The following RAB3C variants were observed in gnomAD, a reference collection of about 807,000 sequenced individuals.
RAB3C encodes the protein RAB3C, member RAS oncogene family.
Under a neutral mutation model 26.4 loss-of-function variants are expected in RAB3C, and 17 were observed. The observed-to-expected ratio is 0.64, with a 90% CI of 0.44 to 0.97. RAB3C has a LOEUF of 0.97. Among genes scored for constraint, RAB3C ranks in the 50% least tolerant of loss-of-function variants. The pLI is 0.00. For missense variants in RAB3C, 242 were observed against 281.9 expected, an observed-to-expected ratio of 0.86 and a Z score of 1.01; for synonymous variants, 91 against 95.9, an observed-to-expected ratio of 0.95 and a Z score of 0.30.
chr5:58,748,730 G>A lies in RAB3C; in HGVS notation c.371+22610G>A, dbSNP rs139374824. On this transcript the variant is annotated intron_variant, in intron 3 of 4. Transcript: ENST00000282878. Reference sequence around the variant, plus strand: ...ACAAAGTATAGGAAATCATTATGAGGTAGAGATGTCTAACTGTCCATCAAG... The same window carrying A: ...ACAAAGTATAGGAAATCATTATGAGATAGAGATGTCTAACTGTCCATCAAG... Among the ~76,000 whole-genome samples the A allele has an allele frequency of 6.6e-4, 100 of 152,236 alleles. 2 individuals carry two copies. The highest frequency in any genetic ancestry group is 4.9e-4 in the Non-Finnish European group (33 of 67,994).
chr5:58,607,792 A>T (rs1479457975), intron 1 of RAB3C, among the ~76,000 whole-genome samples: 2 of 152,194 alleles, frequency 1.3e-5, no homozygotes, highest in Non-Finnish European at 2.9e-5. Flanking sequence ...TTCATCCCAG[A>T]ATCTCATATC....
chr5:58,639,115 TTTC>T (rs1747354867), intron 2 of RAB3C, among the ~76,000 whole-genome samples: 3 of 152,232 alleles, frequency 2.0e-5, no homozygotes, highest in African/African-American at 7.2e-5. Flanking sequence ...GTCTTCCCTC[TTTC>T]GAATGGACAA....
chr5:58,720,088 C>T (rs1392183208), intron 2 of RAB3C, among the ~76,000 whole-genome samples: 2 of 151,894 alleles, frequency 1.3e-5, no homozygotes, highest in African/African-American at 4.8e-5. Context: ...GGGACTTCGA[C>T]ACTAAATAAA....
chr5:58,733,176 C>A (rs534419328), intron 3 of RAB3C, among the ~76,000 whole-genome samples: 7 of 152,158 alleles, frequency 4.6e-5, no homozygotes, highest in Non-Finnish European at 7.3e-5. Flanking sequence ...CATCCCAGTG[C>A]CTACTGTAGT....
chr5:58,722,151 A>C (rs1475338626), intron 2 of RAB3C, among the ~76,000 whole-genome samples: 1 of 151,912 alleles, frequency 6.6e-6, no homozygotes, highest in Non-Finnish European at 1.5e-5. Context: ...AAATGAAATT[A>C]ACATCTTATG....
At chr5:58,642,305 G>C (rs1279178964) in intron 2 of RAB3C, among the ~76,000 whole-genome samples, 1 of 152,160 alleles carries the variant, frequency 6.6e-6, no homozygotes, top group African/African-American at 2.4e-5. Flanking sequence ...TTCATGGGAG[G>C]TTGTACACGG....
At chr5:58,727,213 T>C (rs1049565161) in intron 3 of RAB3C, among the ~76,000 whole-genome samples, 1 of 151,932 alleles carries the variant, frequency 6.6e-6, no homozygotes, top group Non-Finnish European at 1.5e-5. Context: ...TTAAAAATAT[T>C]TCCATTTGCT....
chr5:58,744,072 A>G (rs539573684), intron 3 of RAB3C, among the ~76,000 whole-genome samples: 55 of 152,316 alleles, frequency 3.6e-4, no homozygotes, highest in Middle Eastern at 3.4e-3. Context: ...GAGTCTGTGT[A>G]TGGATCAGGA....
intron 3 of RAB3C, among the ~76,000 whole-genome samples, chr5:58,733,333 A>G (rs995048829): frequency 1.3e-5 from 2 of 152,224 alleles, no homozygotes; most frequent in South Asian, 2.1e-4. Flanking sequence ...GGAGTGTTTT[A>G]TAAAAATCAC....
intron 2 of RAB3C, among the ~76,000 whole-genome samples, chr5:58,713,085 T>C (rs1749096233): frequency 6.6e-6 from 1 of 152,044 alleles, no homozygotes; most frequent in Admixed American, 6.6e-5. Flanking sequence ...GCCTAAGAAA[T>C]TTGGACTTTA....
At chr5:58,827,751 T>G (rs922973736) in intron 4 of RAB3C, among the ~76,000 whole-genome samples, 7 of 152,222 alleles carry the variant, frequency 4.6e-5, no homozygotes, top group African/African-American at 1.7e-4. Flanking sequence ...GGAGAGTCAT[T>G]TACCTCGTTT....
intron 2 of RAB3C, among the ~76,000 whole-genome samples, chr5:58,659,214 G>GTA (rs1054340107): frequency 9.9e-5 from 15 of 151,946 alleles, no homozygotes; most frequent in East Asian, 5.8e-4. Flanking sequence ...AGATATGTAG[G>GTA]TATATATATA....
At chr5:58,836,906 T>C (rs1376825548) in intron 4 of RAB3C, among the ~76,000 whole-genome samples, 1 of 152,156 alleles carries the variant, frequency 6.6e-6, no homozygotes, top group African/African-American at 2.4e-5. Context: ...AAGTAGTGAG[T>C]TTGTTAGAGC....
At chr5:58,766,261 C>T (rs751493613) in intron 3 of RAB3C, among the ~76,000 whole-genome samples, 1 of 151,978 alleles carries the variant, frequency 6.6e-6, no homozygotes, top group Non-Finnish European at 1.5e-5. Context: ...GGATTACAGG[C>T]GTGTGCCACC....
At chr5:58,827,721 A>G (rs1743519153) in intron 4 of RAB3C, among the ~76,000 whole-genome samples, 1 of 152,212 alleles carries the variant, frequency 6.6e-6, no homozygotes, top group Non-Finnish European at 1.5e-5. Flanking sequence ...TGTCATAGCA[A>G]CCAACACATG....
At chr5:58,818,229 G>C (rs1313951263) in intron 3 of RAB3C, among the ~76,000 whole-genome samples, 3 of 152,220 alleles carry the variant, frequency 2.0e-5, no homozygotes, top group African/African-American at 7.2e-5. Flanking sequence ...CAGAACAGGA[G>C]AGAAGGAATA....
At chr5:58,612,534 A>ATG (rs1225559899) in intron 1 of RAB3C, among the ~76,000 whole-genome samples, 137 of 102,686 alleles carry the variant, frequency 1.3e-3, no homozygotes, top group East Asian at 5.5e-3. Flanking sequence ...ATATATATAT[A>ATG]TATATATATA....
At chr5:58,785,716 GA>G (rs1386866652) in intron 3 of RAB3C, among the ~76,000 whole-genome samples, 14 of 152,324 alleles carry the variant, frequency 9.2e-5, no homozygotes, top group Admixed American at 5.9e-4. Flanking sequence ...TATGTTATTT[GA>G]AAAGGGGGAT....
intron 2 of RAB3C, among the ~76,000 whole-genome samples, chr5:58,721,960 T>C (rs1416733686): frequency 6.6e-6 from 1 of 151,768 alleles, no homozygotes; most frequent in East Asian, 1.9e-4. Flanking sequence ...AAGCTGGTTT[T>C]TCCCTCTCTC....
Sources: gnomAD v4.1 joint callset for allele counts (sites outside exome capture counted in the v4.1 genomes callset) on GRCh38, gnomAD v4.1.1 for gene constraint, MANE v1.5 for transcripts, NCBI Gene and HGNC (gene_info 2026-07-23, HGNC 2026-07-21) for gene names.